The following STARD9 variants were observed in gnomAD, a reference collection of about 807,000 sequenced individuals.
The protein encoded by STARD9 is StAR related lipid transfer domain containing 9, also known as stAR-related lipid transfer protein 9.
In STARD9, 346 loss-of-function variants were observed where a neutral mutation model predicts 399.8. The ratio of observed to expected loss-of-function variants is 0.87; its 90% CI spans 0.79 to 0.95. STARD9 has a LOEUF of 0.95. STARD9 is among the 40% of genes least tolerant of loss of function. The pLI is 0.00. For synonymous variants in STARD9, 2,203 were observed against 2,143.5 expected (o/e 1.03, Z -0.77); for missense variants, 5,832 against 5,667.5 (o/e 1.03, Z -0.93).
Position 42,690,392 on chromosome 15 carries a change from G to C in STARD9, c.8814G>C (p.Arg2938Ser). 1 of 1,537,208 alleles carries C rather than the reference G, an allele frequency of 6.5e-7. No individual in the cohort carries two copies. The highest frequency in any genetic ancestry group is 8.7e-7 in the Non-Finnish European group (1 of 1,146,896). The change falls in exon 23 of 33, where the codon AGG becomes AGC. Residue 2938 changes from arginine to serine, a missense_variant. By Grantham distance (110) the Arg-to-Ser change is moderately radical. Around this residue, in one of 2 missense-constraint regions of STARD9, gnomAD observed 5,828 missense variants for 5,651.1 expected, o/e 1.03. Coordinates refer to ENST00000290607, the MANE Select transcript of STARD9 (RefSeq NM_020759.3). ...TCTCAAGGAACCCTGAAGGCAGCAG[G>C]ACTCTCAGCCCGTCTAGAGGGAAAG... ...PVFSRNPEGS[R>S]TLSPSRGKES...
At position 42,690,142 on chromosome 15, in the gene STARD9, C is replaced by T. The variant is rs8031218; in HGVS notation, c.8564C>T (p.Thr2855Ile). ...GGTAGGGCAAGTCCCAAACAAGATA[C>T]CATTCTGCCTGGAGCTCTGACAAGG... ...EEGRASPKQDTILPGALTRVA... is the reference protein window; with the variant it reads ...EEGRASPKQDIILPGALTRVA... Residue 2855 changes from threonine (T) to isoleucine (I), a missense_variant, in exon 23 of 33, where the codon ACC becomes ATC. By Grantham distance (89) the Thr-to-Ile change is moderately conservative (BLOSUM62 -1). This residue lies in a region of STARD9 where 5,828 missense variants were observed against 5,651.1 expected (regional missense o/e 1.03). Transcript: ENST00000290607. The T allele has an allele frequency of 0.22, 331,521 of 1,537,518 alleles. 41,082 individuals are homozygous for T. Among genetic ancestry groups the T allele is most frequent in the African/African-American group, 0.5 (36,478 of 73,038 alleles).
chr15:42,633,145 TA>T (rs758886456), intron 3 of STARD9, among the ~76,000 whole-genome samples: 1,750 of 139,180 alleles, frequency 0.013, 8 homozygotes, highest in Non-Finnish European at 0.018. Context: ...CTGTCTCAAT[TA>T]AAAAAAAAAA....
chr15:42,583,146 A>G (rs2058208208), intron 1 of STARD9, among the ~76,000 whole-genome samples, 200 bp from the exon 2 acceptor site: 1 of 152,230 alleles, frequency 6.6e-6, no homozygotes, highest in South Asian at 2.1e-4. Context: ...GAGCTGTTGC[A>G]GAGCCAAATT....
intron 7 of STARD9, among the ~76,000 whole-genome samples, chr15:42,640,838 A>AAG (rs1278902206): frequency 6.6e-6 from 1 of 151,358 alleles, no homozygotes; most frequent in Non-Finnish European, 1.5e-5. Flanking sequence ...AAAAAAAAAA[A>AAG]AGTCTGTGTG....
At chr15:42,663,225 A>G in intron 11 of STARD9, 56 bp from the exon 12 acceptor site, 1 of 1,401,696 alleles carries the variant, frequency 7.1e-7, no homozygotes, top group East Asian at 2.5e-5. Flanking sequence ...GTTTTGTTTT[A>G]ATATATTTGC....
chr15:42,701,128 C>T (rs2060955012), intron 26 of STARD9, among the ~76,000 whole-genome samples: 1 of 152,100 alleles, frequency 6.6e-6, no homozygotes. Context: ...AGTTTTTATG[C>T]CAGTACCATG....
Position 42,682,192 on chromosome 15 carries a change from G to A in STARD9, c.2154G>A (p.Glu718=). The change falls in exon 22 of 33, where the codon GAG becomes GAA. Residue 718 remains glutamate, a synonymous_variant. Coordinates refer to ENST00000290607, the MANE Select transcript of STARD9 (RefSeq NM_020759.3). ...QEDQVAEKEL[E]ASVALDAWLQ... ...ACCAGGTAGCAGAGAAAGAACTTGA[G>A]GCATCTGTGGCACTTGATGCTTGGC... 1.3e-6 allele frequency: 2 copies of A among 1,537,208 alleles called. No individual in the cohort carries two copies. Among genetic ancestry groups the A allele is most frequent in the Non-Finnish European group, 1.7e-6 (2 of 1,146,874 alleles).
chr15:42,599,177 G>T (rs768561941), intron 3 of STARD9, among the ~76,000 whole-genome samples: 1 of 152,150 alleles, frequency 6.6e-6, no homozygotes, highest in Non-Finnish European at 1.5e-5. Context: ...ACCTGCCTTG[G>T]CTTCCCAAAG....
intron 3 of STARD9, among the ~76,000 whole-genome samples, chr15:42,607,149 T>C (rs1248845644): frequency 6.8e-6 from 1 of 146,696 alleles, no homozygotes. Context: ...CCTGTAACCA[T>C]TGTGCTCTTT....
intron 3 of STARD9, among the ~76,000 whole-genome samples, chr15:42,585,873 CAAA>C (rs1242522109): frequency 6.6e-6 from 1 of 152,186 alleles, no homozygotes; most frequent in Non-Finnish European, 1.5e-5. Flanking sequence ...TGGTAGGTAA[CAAA>C]AGAAGCTTAT....
intron 15 of STARD9, among the ~76,000 whole-genome samples, chr15:42,667,120 A>G (rs1480191841): frequency 6.6e-6 from 1 of 150,586 alleles, no homozygotes; most frequent in African/African-American, 2.4e-5. Flanking sequence ...TGGCCCCCAG[A>G]GATATTTAAA....
Position 42,663,807 on chromosome 15 carries a change from C to A in STARD9, c.1079-13C>A, listed in dbSNP as rs745369213. ...GGGCTGGCATGTTTTTAAACTTTCT[C>A]CTTCTACCTCAGCGGTGTCTCCTGC... On this transcript the variant is annotated splice_polypyrimidine_tract_variant and intron_variant, in intron 12 of 32. Transcript: ENST00000290607. 1 of 1,527,674 alleles carries A rather than the reference C, an allele frequency of 6.5e-7. No individual in the cohort carries two copies. The highest frequency in any genetic ancestry group is 1.2e-5 in the South Asian group (1 of 83,842). 94.6% of individuals were successfully genotyped at this position (1,527,674 alleles called of 1,614,324 possible).
chr15:42,637,412 C>T (rs999444584), intron 4 of STARD9, among the ~76,000 whole-genome samples: 2 of 151,902 alleles, frequency 1.3e-5, no homozygotes, highest in South Asian at 2.1e-4. Context: ...ACAGGGTCTC[C>T]GCAGGTTGCC....
intron 7 of STARD9, among the ~76,000 whole-genome samples, chr15:42,649,832 G>A (rs2059721787): frequency 1.3e-5 from 2 of 150,094 alleles, no homozygotes; most frequent in Non-Finnish European, 3.0e-5. Flanking sequence ...AGTAGTACTG[G>A]GATTACAGGC....
rs1295307235 is a variant in STARD9, at chr15:42,674,473, G to A, written c.1531G>A (p.Asp511Asn). 1 of 1,537,176 alleles carries A rather than the reference G, an allele frequency of 6.5e-7. No individual in the cohort carries two copies. Among genetic ancestry groups the A allele is most frequent in the Non-Finnish European group, 8.7e-7 (1 of 1,146,836 alleles). Residue 511 changes from aspartate (D) to asparagine (N), a missense_variant, in exon 17 of 33, where the codon GAC (aspartate) becomes AAC (asparagine). By Grantham distance (23) the Asp-to-Asn change is conservative. This residue lies in a region of STARD9 where 5,828 missense variants were observed against 5,651.1 expected (regional missense o/e 1.03). Transcript: ENST00000290607. ...GTTKIGRIDS[D>N]QEQDIVLQGQ... Reference sequence around the variant, plus strand: ...AACAAAAATAGGAAGGATTGACTCAGACCAGGAACAGGACATTGGTAAGTG... The same window carrying A: ...AACAAAAATAGGAAGGATTGACTCAAACCAGGAACAGGACATTGGTAAGTG...
chr15:42,695,782 C>T lies in STARD9; in HGVS notation c.13186C>T (p.Leu4396=), dbSNP rs1566953787. The change falls in exon 26 of 33, where the codon CTG becomes TTG. Residue 4396 remains leucine, a synonymous_variant. Coordinates refer to ENST00000290607, the MANE Select transcript of STARD9 (RefSeq NM_020759.3). ...KLHTLANSSS[L]CTSSNGSLSS... ...ACATACCTTGGCCAATTCCAGCTCC[C>T]TGTGCACCAGCTCTAATGGAAGCCT... The T allele has an allele frequency of 6.5e-7, 1 of 1,537,254 alleles. No homozygotes were observed. The highest frequency in any genetic ancestry group is 2.0e-5 in the Admixed American group (1 of 51,012).
Position 42,651,033 on chromosome 15 carries a change from G to A in STARD9, c.577G>A (p.Val193Ile). The change falls in exon 8 of 33, where the codon GTT (valine) becomes ATT (isoleucine). Residue 193 changes from valine (V) to isoleucine (I), a missense_variant. By Grantham distance (29) the Val-to-Ile change is conservative. Coordinates refer to ENST00000290607, the MANE Select transcript of STARD9 (RefSeq NM_020759.3). ...TCCGATAGGTTTATCTCAACATGTA[G>A]TTACCAATTATAAGCAAGTAATCCA... ...PYVQGLSQHV[V>I]TNYKQVIQLL... is the part of the protein sequence containing the mutation. The A allele has an allele frequency of 1.3e-6, 2 of 1,533,200 alleles. No homozygotes were observed. The highest frequency in any genetic ancestry group is 1.7e-6 in the Non-Finnish European group (2 of 1,144,140). 95.0% of individuals were successfully genotyped at this position (1,533,200 alleles called of 1,614,324 possible).
At chr15:42,575,932 C>G (rs928723778) in intron 1 of STARD9, among the ~76,000 whole-genome samples, 170 bp downstream of exon 1, 10 of 152,194 alleles carry the variant, frequency 6.6e-5, no homozygotes, top group African/African-American at 2.4e-4. Context: ...CTCAGTCGAG[C>G]TTTCGCGTTG....
chr15:42,712,932 G>A (rs993708369), intron 26 of STARD9, among the ~76,000 whole-genome samples: 2 of 152,096 alleles, frequency 1.3e-5, no homozygotes, highest in African/African-American at 4.8e-5. Context: ...GACTATTCTG[G>A]GTTTCTCAGA....
Sources: gnomAD v4.1 joint callset for allele counts (sites outside exome capture counted in the v4.1 genomes callset) on GRCh38, gnomAD v4.1.1 for gene constraint, gnomAD v4.1.1 regional missense constraint, MANE v1.5 for transcripts, NCBI Gene and HGNC (gene_info 2026-07-23, HGNC 2026-07-21) for gene names.